SAMD12: variants seen among roughly 807,000 people sequenced by gnomAD.
SAMD12 encodes the protein sterile alpha motif domain containing 12.
Under a neutral mutation model 15.0 loss-of-function variants are expected in SAMD12, and 9 were observed. That is an observed-to-expected ratio of 0.60 (90% confidence interval 0.36 to 1.05). SAMD12 has a LOEUF of 1.05. Among genes scored for constraint, SAMD12 ranks in the 50% least tolerant of loss-of-function variants. SAMD12 has a pLI of 0.01. For synonymous variants in SAMD12, 86 were observed against 90.1 expected, an observed-to-expected ratio of 0.96 and a Z score of 0.25; for missense variants, 230 against 234.2, an observed-to-expected ratio of 0.98 and a Z score of 0.12.
chr8:118,469,275 T>C (rs1423728145), intron 2 of SAMD12, among the ~76,000 whole-genome samples: 6 of 150,760 alleles, frequency 4.0e-5, no homozygotes, highest in Admixed American at 2.7e-4. Flanking sequence ...TGCTGCAGGA[T>C]TTTCAGCAGA....
At chr8:118,439,645 T>C (rs757636088) in intron 3 of SAMD12, among the ~76,000 whole-genome samples, 187 bp downstream of exon 3, 1 of 152,150 alleles carries the variant, frequency 6.6e-6, no homozygotes, top group Non-Finnish European at 1.5e-5. Flanking sequence ...CAGTTTTCTA[T>C]AATAACCATG....
At chr8:118,140,168 T>C in the SAMD12 span, among the ~76,000 whole-genome samples, 7 of 152,218 alleles carry the variant, frequency 4.6e-5, no homozygotes, top group East Asian at 1.2e-3. Context: ...AAACAATAAT[T>C]GAAATGGAAG....
At chr8:118,384,999 G>C (rs1819875567) in intron 3 of SAMD12, among the ~76,000 whole-genome samples, 1 of 152,088 alleles carries the variant, frequency 6.6e-6, no homozygotes, top group Non-Finnish European at 1.5e-5. Flanking sequence ...GGATGTTCCC[G>C]CAGCAGGAAC....
In SAMD12 at chr8:118,559,407, A is replaced by G. The variant is rs150771731; in HGVS notation, c.192+21308T>C. On this transcript the variant is annotated intron_variant, in intron 2 of 3. Transcript: ENST00000314727. ...TATTAACACCTAATATCAGCCCTCT[A>G]GCAAGGGCTCCACAGGGCAGTCCCA... Among the ~76,000 whole-genome samples, 591 of 152,346 alleles carry G rather than the reference A, an allele frequency of 3.9e-3. 5 individuals carry two copies. Among genetic ancestry groups the G allele is most frequent in the African/African-American group, 0.014 (567 of 41,580 alleles).
chr8:118,294,257 C>CT (rs1190651856), intron 4 of SAMD12, among the ~76,000 whole-genome samples: 18 of 152,312 alleles, frequency 1.2e-4, no homozygotes, highest in African/African-American at 4.3e-4. Context: ...GAGTGCAAAT[C>CT]TTTTCACTTC....
intron 4 of SAMD12, among the ~76,000 whole-genome samples, chr8:118,371,759 T>C (rs1819108630): frequency 6.6e-6 from 1 of 151,960 alleles, no homozygotes; most frequent in Non-Finnish European, 1.5e-5. Context: ...AATCTGAGAG[T>C]CACTATGAAG....
intron 4 of SAMD12, among the ~76,000 whole-genome samples, chr8:118,360,103 T>C (rs1056889516): frequency 2.0e-5 from 3 of 152,190 alleles, no homozygotes; most frequent in Admixed American, 6.5e-5. Flanking sequence ...GTCATCTTTA[T>C]CAATACACAA....
At chr8:118,235,171 T>C (rs1283334857) in intron 4 of SAMD12, among the ~76,000 whole-genome samples, 3 of 152,096 alleles carry the variant, frequency 2.0e-5, no homozygotes, top group Admixed American at 1.3e-4. Flanking sequence ...CATTAACAAA[T>C]AACATACATT....
At chr8:118,135,780 C>T in the SAMD12 span, among the ~76,000 whole-genome samples, 6 of 151,740 alleles carry the variant, frequency 4.0e-5, no homozygotes, top group East Asian at 1.2e-3. Flanking sequence ...TGGACTTAAG[C>T]AATGGGAGGC....
chr8:118,222,043 C>G (rs1467533304), intron 4 of SAMD12, among the ~76,000 whole-genome samples: 1 of 152,084 alleles, frequency 6.6e-6, no homozygotes, highest in African/African-American at 2.4e-5. Context: ...CATGGCAGTA[C>G]CAGTGACAGC....
intron 4 of SAMD12, among the ~76,000 whole-genome samples, chr8:118,210,572 T>C (rs1475599180): frequency 1.3e-5 from 2 of 152,216 alleles, no homozygotes; most frequent in African/African-American, 4.8e-5. Flanking sequence ...ATTCTATTTA[T>C]TGTTGTCTCA....
chr8:118,139,892 C>T, the SAMD12 span, among the ~76,000 whole-genome samples: 2 of 152,212 alleles, frequency 1.3e-5, no homozygotes, highest in African/African-American at 4.8e-5. Flanking sequence ...GTGATAAGCA[C>T]ATTTTCCAGC....
rs145238487 is a variant in SAMD12, at chr8:118,370,008, C to T, written c.433+9552G>A. Among the ~76,000 whole-genome samples, 831 of 152,122 alleles carry T rather than the reference C, an allele frequency of 5.5e-3. 6 individuals are homozygous for T. The highest frequency in any genetic ancestry group is 0.044 in the Middle Eastern group (13 of 294). Reference sequence around the variant, plus strand: ...ACAGAATGGGAGAAATTTTTTCCGACGTATCCATCTGACCAAGGTCTAATA... The same window carrying T: ...ACAGAATGGGAGAAATTTTTTCCGATGTATCCATCTGACCAAGGTCTAATA... On this transcript the variant is annotated intron_variant, in intron 4 of 4. Transcript: ENST00000409003.
chr8:118,484,409 G>A (rs766886209), intron 2 of SAMD12, among the ~76,000 whole-genome samples: 1 of 152,088 alleles, frequency 6.6e-6, no homozygotes, highest in Non-Finnish European at 1.5e-5. Flanking sequence ...AATTTGTTAA[G>A]AGGGCATATT....
At chr8:118,235,491 G>A (rs1812409981) in intron 4 of SAMD12, among the ~76,000 whole-genome samples, 2 of 151,488 alleles carry the variant, frequency 1.3e-5, no homozygotes, top group Admixed American at 1.3e-4. Flanking sequence ...TTACAAGCAT[G>A]AGAAGTCTAT....
chr8:118,303,566 C>T (rs2130346600), intron 4 of SAMD12, among the ~76,000 whole-genome samples: 1 of 152,296 alleles, frequency 6.6e-6, no homozygotes, highest in Non-Finnish European at 1.5e-5. Flanking sequence ...CAAAATCCTC[C>T]TCTGTCTTCA....
At chr8:118,502,019 CAAAAAAA>C (rs778485490) in intron 2 of SAMD12, among the ~76,000 whole-genome samples, 2 of 80,532 alleles carry the variant, frequency 2.5e-5, no homozygotes, top group Non-Finnish European at 5.3e-5. Flanking sequence ...GACTCCGTCT[CAAAAAAA>C]AAAAAAAAAA....
intron 2 of SAMD12, among the ~76,000 whole-genome samples, chr8:118,574,928 G>C (rs1417948805): frequency 6.6e-6 from 1 of 152,162 alleles, no homozygotes; most frequent in Non-Finnish European, 1.5e-5. Context: ...TCCCTAAATT[G>C]CAACAGACCT....
At chr8:118,306,578 G>A (rs879303930) in intron 4 of SAMD12, among the ~76,000 whole-genome samples, 11 of 152,290 alleles carry the variant, frequency 7.2e-5, no homozygotes, top group Non-Finnish European at 1.2e-4. Context: ...AGGACCAAAA[G>A]CTAGAAGGAA....
Sources: gnomAD v4.1 joint callset for allele counts (sites outside exome capture counted in the v4.1 genomes callset) on GRCh38, gnomAD v4.1.1 for gene constraint, MANE v1.5 for transcripts, NCBI Gene and HGNC (gene_info 2026-07-23, HGNC 2026-07-21) for gene names.